Variants in CELF2 observed in about 807,000 individuals in gnomAD.
CELF2 encodes CUG triplet repeat RNA-binding protein 2.
CELF2 carries 8 observed loss-of-function variants against 62.6 expected under a neutral mutation model. The ratio of observed to expected loss-of-function variants is 0.13; its 90% confidence interval spans 0.07 to 0.23. The LOEUF is 0.23. CELF2 is among the 10% of genes least tolerant of loss of function. CELF2 has a pLI of 1.00. For synonymous variants in CELF2, 258 were observed against 250.0 expected (o/e 1.03, Z -0.30); for missense variants, 333 against 671.0 (o/e 0.50, Z 5.56).
At chr10:11,057,530 C>T (rs994185381) in intron 1 of CELF2, among the ~76,000 whole-genome samples, 3 of 152,192 alleles carry the variant, frequency 2.0e-5, no homozygotes, top group Non-Finnish European at 4.4e-5. Flanking sequence ...GCCTCAGCCA[C>T]GGCCTTGTGG....
At chr10:10,747,577 A>G in the CELF2 span, among the ~76,000 whole-genome samples, 1 of 152,274 alleles carries the variant, frequency 6.6e-6, no homozygotes, top group South Asian at 2.1e-4. Context: ...TACAGAGCTA[A>G]AAAGGACAGC....
At chr10:11,186,396 C>CTT (rs1454331261) in intron 2 of CELF2, among the ~76,000 whole-genome samples, 1 of 145,964 alleles carries the variant, frequency 6.9e-6, no homozygotes, top group Non-Finnish European at 1.5e-5. Context: ...ATTTTTCTGA[C>CTT]TTTTAAGATG....
At position 11,133,527 on chromosome 10, in the gene CELF2, G is replaced by A. The variant is rs568166082; in HGVS notation, c.75-31959G>A. 1.5e-4 allele frequency among the ~76,000 whole-genome samples: 23 copies of A among 152,236 alleles called. No homozygotes were observed. The South Asian group carries it at 2.7e-3, about 18-fold the overall frequency. ...ATTGTAAAGGGAAAGTTGTACATAC[G>A]TATACAAGATAGGGAATGTGTTACT... On this transcript the variant is annotated intron_variant, in intron 1 of 12. Coordinates refer to ENST00000633077, the MANE Select transcript of CELF2 (RefSeq NM_001326342.2).
At chr10:10,660,974 C>G in the CELF2 span, among the ~76,000 whole-genome samples, 1 of 152,134 alleles carries the variant, frequency 6.6e-6, no homozygotes, top group Non-Finnish European at 1.5e-5. Context: ...AGTCCCTGTT[C>G]AACACAAGTG....
At chr10:11,131,929 A>T (rs2059689406) in intron 1 of CELF2, among the ~76,000 whole-genome samples, 1 of 152,256 alleles carries the variant, frequency 6.6e-6, no homozygotes, top group African/African-American at 2.4e-5. Context: ...GAGAAAACTC[A>T]TAGCAGTCTT....
intron 2 of CELF2, among the ~76,000 whole-genome samples, chr10:11,196,045 AAAC>A (rs1281737956): frequency 6.6e-6 from 1 of 151,880 alleles, no homozygotes; most frequent in Non-Finnish European, 1.5e-5. Flanking sequence ...AAAAAAAAAA[AAAC>A]TGGTCCCTTG....
chr10:10,724,084 C>A, the CELF2 span, among the ~76,000 whole-genome samples: 2 of 152,108 alleles, frequency 1.3e-5, no homozygotes, highest in South Asian at 4.2e-4. Flanking sequence ...AAAGAGAGGC[C>A]CTGCTCTTGA....
chr10:11,124,052 A>AGG (rs2058248870), intron 1 of CELF2, among the ~76,000 whole-genome samples: 1 of 152,188 alleles, frequency 6.6e-6, no homozygotes, highest in South Asian at 2.1e-4. Context: ...GAGCTTGTGC[A>AGG]GGGGAATTCC....
the CELF2 span, among the ~76,000 whole-genome samples, chr10:10,564,674 GCACA>G: frequency 4.7e-5 from 3 of 64,284 alleles, no homozygotes; most frequent in Non-Finnish European, 6.2e-5. Context: ...ACACACACAC[GCACA>G]CACGCACACA....
chr10:11,266,748 T>G, intron 6 of CELF2, 71 bp downstream of exon 6: 1 of 1,217,828 alleles, frequency 8.2e-7, no homozygotes, highest in Admixed American at 1.8e-5. Context: ...AATTCTCTCC[T>G]GTGTGGATTG....
rs1054557634 is a variant in CELF2, at chr10:11,011,117, A to C, written c.53+5677A>C. 36 of 152,246 alleles carry C rather than the reference A, an allele frequency of 2.4e-4. No individual in the cohort carries two copies. The highest frequency in any genetic ancestry group is 8.4e-4 in the African/African-American group (35 of 41,528). The allele number at this position is 152,246 out of a possible 1,614,324, so 9.4% of individuals were successfully genotyped here. On this transcript the variant is annotated intron_variant, in intron 1 of 12. Coordinates refer to the CELF2 transcript ENST00000416382. This position sits in a 1 kb window ranked among gnomAD's most constrained non-coding sequence, Gnocchi z 4.6. The stretch of plus-strand genomic sequence containing the variant: ...CCATGCCTCACTTCTCTTGGGCTTG[A>C]ATCTGTATAATGGGAACAGATGTTG...
chr10:11,148,225 G>A (rs944073927), intron 1 of CELF2, among the ~76,000 whole-genome samples: 4 of 152,198 alleles, frequency 2.6e-5, no homozygotes, highest in African/African-American at 7.2e-5. Flanking sequence ...GAGAGTAAAA[G>A]GTATTTCAGC....
the CELF2 span, among the ~76,000 whole-genome samples, chr10:10,779,430 C>T: frequency 1.3e-5 from 2 of 152,148 alleles, no homozygotes; most frequent in Non-Finnish European, 2.9e-5. Context: ...TATTCTTGGG[C>T]CCCGTTCATT....
chr10:10,974,159 G>A (rs1401490272), intron 2 of CELF2, among the ~76,000 whole-genome samples: 2 of 152,184 alleles, frequency 1.3e-5, no homozygotes, highest in Non-Finnish European at 2.9e-5. Flanking sequence ...GAGCTGTGAG[G>A]ACTGAATGAG....
intron 1 of CELF2, among the ~76,000 whole-genome samples, chr10:10,830,444 T>C (rs2057755740): frequency 6.6e-6 from 1 of 152,186 alleles, no homozygotes; most frequent in Non-Finnish European, 1.5e-5. Context: ...GCTTAAAAAA[T>C]ATAACATAGT....
In CELF2 at chr10:11,039,338, G is replaced by T. The variant is rs1489748842; in HGVS notation, c.74+21175G>T. Among the ~76,000 whole-genome samples, 1 of 152,164 alleles carries T rather than the reference G, an allele frequency of 6.6e-6. No individual in the cohort carries two copies. The highest frequency in any genetic ancestry group is 1.5e-5 in the Non-Finnish European group (1 of 68,014). On this transcript the variant is annotated intron_variant, in intron 1 of 12. Transcript: ENST00000633077. This position sits in a 1 kb window ranked among gnomAD's most constrained non-coding sequence, Gnocchi z 4.1. ...GGGCACCTCCCATGCCAGGATTTGG[G>T]ATGTAAGCTCATCTCAAATGTAGCC...
intron 1 of CELF2, among the ~76,000 whole-genome samples, chr10:10,843,791 T>C (rs566131082): frequency 1.3e-5 from 2 of 152,148 alleles, no homozygotes; most frequent in East Asian, 3.9e-4. Context: ...TGAAACAAAA[T>C]CGCCCCCCAA....
chr10:10,714,592 AAAG>A, the CELF2 span, among the ~76,000 whole-genome samples: 1 of 152,212 alleles, frequency 6.6e-6, no homozygotes, highest in Non-Finnish European at 1.5e-5. Context: ...TGACACAATA[AAAG>A]AAGATTATAT....
chr10:11,060,455 G>A (rs547325812), intron 1 of CELF2, among the ~76,000 whole-genome samples: 2 of 152,234 alleles, frequency 1.3e-5, no homozygotes, highest in South Asian at 4.1e-4. Flanking sequence ...TTTATATGGT[G>A]GAGTTTCTTG....
Sources: gnomAD v4.1 joint callset for allele counts (sites outside exome capture counted in the v4.1 genomes callset) on GRCh38, gnomAD v4.1.1 for gene constraint, Gnocchi (gnomAD v3.1) non-coding constraint, MANE v1.5 for transcripts, NCBI Gene and HGNC (gene_info 2026-07-23, HGNC 2026-07-21) for gene names.